The following GTPBP4 variants were observed in gnomAD, a reference collection of about 807,000 sequenced individuals.
The protein encoded by GTPBP4 is GTP-binding protein 4.
In GTPBP4, 15 loss-of-function variants were observed where a neutral mutation model predicts 81.7. That is an observed-to-expected ratio of 0.18 (90% CI 0.12 to 0.28). The LOEUF (loss-of-function observed/expected upper bound fraction) is 0.28, where lower values mean the gene tolerates loss of function less well. Ranked by LOEUF, GTPBP4 falls within the 10% of genes least tolerant of loss-of-function variation. The pLI, the probability that GTPBP4 is intolerant of heterozygous loss-of-function variation, is 1.00. For missense variants in GTPBP4, 847 were observed against 793.8 expected, an observed-to-expected ratio of 1.07 and a Z score of -0.81; for synonymous variants, 272 against 274.6, an observed-to-expected ratio of 0.99 and a Z score of 0.09.
At position 1,014,320 on chromosome 10, in the gene GTPBP4, TG is replaced by T. The variant is rs1424295751; in HGVS notation, c.1608+13del. On this transcript the variant is annotated intron_variant, in intron 15 of 16. Transcript: ENST00000360803. ...ATGGACGATAAAGACGATGTGAGTG[TG>T]GGGGCGGTTCATGTGTTTATGTGGC... The T allele has an allele frequency of 1.3e-6, 2 of 1,598,166 alleles. No homozygotes were observed. The highest frequency in any genetic ancestry group is 1.1e-5 in the South Asian group (1 of 90,816).
At chr10:1,002,737 C>T (rs1831658730) in intron 8 of GTPBP4, among the ~76,000 whole-genome samples, 1 of 152,052 alleles carries the variant, frequency 6.6e-6, no homozygotes, top group African/African-American at 2.4e-5. Context: ...ATATATCATC[C>T]CATTGTCTCC....
chr10:1,009,389 C>T (rs1272917061), intron 11 of GTPBP4, 140 bp from the exon 12 acceptor site: 4 of 693,936 alleles, frequency 5.8e-6, no homozygotes, highest in Non-Finnish European at 1.0e-5. Flanking sequence ...TAAGAAACAG[C>T]CTTCCTACCA....
intron 8 of GTPBP4, among the ~76,000 whole-genome samples, chr10:1,004,135 C>T (rs1274893633): frequency 6.6e-6 from 1 of 152,128 alleles, no homozygotes; most frequent in African/African-American, 2.4e-5. Context: ...CTTCAGAAAC[C>T]TGAGCCAGTA....
intron 4 of GTPBP4, 76 bp from the exon 5 acceptor site, chr10:997,132 A>T: frequency 1.1e-6 from 1 of 895,492 alleles, no homozygotes; most frequent in Non-Finnish European, 1.9e-6. Context: ...CCTGGACTGT[A>T]ACTAAGTTGA....
chr10:1,018,118 G>C lies in GTPBP4; in HGVS notation c.*891G>C, dbSNP rs1011174550. The C allele has an allele frequency of 3.9e-5, 6 of 152,212 alleles. No individual in the cohort carries two copies. Among genetic ancestry groups the C allele is most frequent in the African/African-American group, 1.4e-4 (6 of 41,450 alleles). 9.4% of individuals were successfully genotyped at this position (152,212 alleles called of 1,614,324 possible). On this transcript the variant is annotated 3_prime_UTR_variant, in exon 17 of 17. Transcript: ENST00000360803. The stretch of plus-strand genomic sequence containing the variant: ...TTAATCACACTTCTGGATTACATGT[G>C]GCAATTTTAAAAATTTACCAGGGCT...
At position 1,019,363 on chromosome 10, in the gene GTPBP4, A is replaced by C. The variant is rs1213481598; in HGVS notation, c.*2136A>C. On this transcript the variant is annotated 3_prime_UTR_variant, in exon 17 of 17. Transcript: ENST00000360803. ...GGAAAAGGGAAAATGAAGATATGAC[A>C]AAGTTGATGAAAAGGTTGAAATAGT... The C allele has an allele frequency of 3.5e-6, 2 of 571,750 alleles. No homozygotes were observed. Among genetic ancestry groups the C allele is most frequent in the East Asian group, 2.9e-5 (1 of 34,622 alleles). The allele number at this position is 571,750 out of a possible 1,614,324, so 35.4% of individuals were successfully genotyped here.
In GTPBP4 at chr10:988,677, G is replaced by T; in HGVS notation, c.48+150G>T. On this transcript the variant is annotated intron_variant, in intron 1 of 16. Coordinates refer to ENST00000360803, the MANE Select transcript of GTPBP4 (RefSeq NM_012341.3). ...CCTGACCGTCTGGCCGCGTACTCGG[G>T]ATCATTTCCCCTCCCCCAGCAGAAT... 4.7e-6 allele frequency: 3 copies of T among 634,084 alleles called. No individual in the cohort carries two copies. The South Asian group carries it at 5.4e-5, about 11-fold the overall frequency. The allele number at this position is 634,084 out of a possible 1,614,324, so 39.3% of individuals were successfully genotyped here.
At chr10:995,896 C>G (rs772569960) in intron 2 of GTPBP4, 33 bp from the exon 3 acceptor site, 42 of 1,290,064 alleles carry the variant, frequency 3.3e-5, no homozygotes, top group Non-Finnish European at 4.7e-5. Context: ...CTGCTGGCCC[C>G]AAGTGACCGT....
In GTPBP4 at chr10:992,630, C is replaced by G; in HGVS notation, c.190C>G (p.Gln64Glu). The change falls in exon 2 of 17, where the codon CAA (glutamine) becomes GAA (glutamate). Residue 64 changes from glutamine to glutamate, a missense_variant. Coordinates refer to ENST00000360803, the MANE Select transcript of GTPBP4 (RefSeq NM_012341.3). ...TQQNYHDRLS[Q>E]ILTDFPKLDD... is the part of the protein sequence containing the mutation. The stretch of plus-strand genomic sequence containing the variant: ...ACAGAATTACCATGATAGACTTTCA[C>G]AAATTCTAACAGATTTCCCCAAATT... 1.2e-6 allele frequency: 2 copies of G among 1,606,126 alleles called. No homozygotes were observed. The highest frequency in any genetic ancestry group is 1.7e-6 in the Non-Finnish European group (2 of 1,174,358).
intron 14 of GTPBP4, 128 bp downstream of exon 14, chr10:1,012,790 T>C (rs1469144189): frequency 3.1e-6 from 2 of 644,994 alleles, no homozygotes; most frequent in African/African-American, 1.8e-5. Flanking sequence ...GTTTTATTGG[T>C]GTATGGATTT....
At chr10:997,041 T>A in intron 4 of GTPBP4, 167 bp from the exon 5 acceptor site, 1 of 625,128 alleles carries the variant, frequency 1.6e-6, no homozygotes, top group Non-Finnish European at 2.9e-6. Flanking sequence ...ATATACTATG[T>A]GTATACTATT....
chr10:1,006,997 C>T, intron 9 of GTPBP4, 21 bp from the exon 10 acceptor site: 1 of 1,471,320 alleles, frequency 6.8e-7, no homozygotes, highest in Non-Finnish European at 9.5e-7. Context: ...TGTGACTGTG[C>T]CTTCTTTTTT....
chr10:1,019,511 T>C lies in GTPBP4; in HGVS notation c.*2284T>C. ...TTACACATGGCTGACTCGACCTCCCTGCCTCTCACACTCTGTGTATTTTGT... is the reference window on the plus strand; with the variant it reads ...TTACACATGGCTGACTCGACCTCCCCGCCTCTCACACTCTGTGTATTTTGT... On this transcript the variant is annotated 3_prime_UTR_variant, in exon 17 of 17. Transcript: ENST00000360803. The C allele has an allele frequency of 6.2e-7, 1 of 1,607,052 alleles. No individual in the cohort carries two copies. Among genetic ancestry groups the C allele is most frequent in the Non-Finnish European group, 8.5e-7 (1 of 1,174,872 alleles).
rs578143320 is a variant in GTPBP4 at position 1,019,516 on chromosome 10, C to G, written c.*2289C>G. On this transcript the variant is annotated 3_prime_UTR_variant, in exon 17 of 17. Coordinates refer to ENST00000360803, the MANE Select transcript of GTPBP4 (RefSeq NM_012341.3). ...CATGGCTGACTCGACCTCCCTGCCT[C>G]TCACACTCTGTGTATTTTGTGAAGC... The G allele has an allele frequency of 1.1e-5, 18 of 1,610,238 alleles. No homozygotes were observed. Among genetic ancestry groups the G allele is most frequent in the Non-Finnish European group, 1.4e-5 (16 of 1,177,322 alleles).
intron 1 of GTPBP4, among the ~76,000 whole-genome samples, chr10:990,211 G>A (rs1425325547): frequency 6.6e-6 from 1 of 152,076 alleles, no homozygotes; most frequent in South Asian, 2.1e-4. Flanking sequence ...GTTCTGTGGA[G>A]TGAGATTTAT....
intron 6 of GTPBP4, 121 bp downstream of exon 6, chr10:999,216 T>G: frequency 1.5e-6 from 1 of 647,564 alleles, no homozygotes; most frequent in South Asian, 1.7e-5. Context: ...CCTCCCAGGT[T>G]CAAGTGATTC....
At position 1,017,067 on chromosome 10, in the gene GTPBP4, C is replaced by G. The variant is rs549115592; in HGVS notation, c.1753-8C>G. Reference sequence around the variant, plus strand: ...TGAACATACTTTATTTTTTTCTCCTCCTTTTAGATGGTGAAGAAAGCCAAG... The same window carrying G: ...TGAACATACTTTATTTTTTTCTCCTGCTTTTAGATGGTGAAGAAAGCCAAG... On this transcript the variant is annotated splice_region_variant and splice_polypyrimidine_tract_variant and intron_variant, in intron 16 of 16. Coordinates refer to ENST00000360803, the MANE Select transcript of GTPBP4 (RefSeq NM_012341.3). The G allele has an allele frequency of 8.1e-6, 13 of 1,604,262 alleles. No individual in the cohort carries two copies. The East Asian group carries it at 2.5e-4, about 30-fold the overall frequency.
intron 15 of GTPBP4, among the ~76,000 whole-genome samples, chr10:1,014,885 A>T (rs1287872110): frequency 4.6e-5 from 7 of 151,468 alleles, no homozygotes; most frequent in Non-Finnish European, 1.0e-4. Flanking sequence ...CTCAAAAAAA[A>T]AAAAGCTCCA....
At chr10:1,010,638 A>C in intron 13 of GTPBP4, 118 bp downstream of exon 13, 1 of 716,434 alleles carries the variant, frequency 1.4e-6, no homozygotes, top group South Asian at 1.5e-5. Context: ...GCACCCCTCC[A>C]TCCTGACTCT....
Sources: allele counts gnomAD v4.1 joint callset (sites outside exome capture counted in the v4.1 genomes callset), GRCh38; gene constraint gnomAD v4.1.1; transcripts MANE v1.5; gene names NCBI Gene and HGNC (gene_info 2026-07-23, HGNC 2026-07-21).